The following CEP128 variants were observed in gnomAD, a reference collection of about 807,000 sequenced individuals.
CEP128 encodes centrosomal protein 128.
CEP128 carries 132 observed loss-of-function variants against 156.7 expected under a neutral mutation model. The ratio of observed to expected loss-of-function variants is 0.84; its 90% CI spans 0.73 to 0.97. The LOEUF (loss-of-function observed/expected upper bound fraction) is 0.97, where lower values mean the gene tolerates loss of function less well. CEP128 is among the 50% of genes least tolerant of loss of function. CEP128 has a pLI of 0.00. For missense variants in CEP128, 1,252 were observed against 1,281.9 expected, an observed-to-expected ratio of 0.98 and a Z score of 0.36; for synonymous variants, 469 against 448.9, an observed-to-expected ratio of 1.04 and a Z score of -0.57.
chr14:80,917,677 T>G (rs1225457582), intron 2 of CEP128, among the ~76,000 whole-genome samples: 2 of 152,192 alleles, frequency 1.3e-5, no homozygotes, highest in Non-Finnish European at 2.9e-5. Flanking sequence ...AAAACATTTC[T>G]TGAATGACAG....
At chr14:80,640,293 AAAAC>A (rs947528976) in intron 19 of CEP128, among the ~76,000 whole-genome samples, 23 of 152,184 alleles carry the variant, frequency 1.5e-4, no homozygotes, top group African/African-American at 4.6e-4. Flanking sequence ...CATTATTGCT[AAAAC>A]AAACAAACAA....
At chr14:80,765,564 T>C (rs942916990) in intron 16 of CEP128, among the ~76,000 whole-genome samples, 2 of 152,120 alleles carry the variant, frequency 1.3e-5, no homozygotes, top group African/African-American at 4.8e-5. Flanking sequence ...TGATTCAAAA[T>C]ATGGAAGACA....
chr14:80,594,508 A>C (rs1358968738), intron 19 of CEP128, among the ~76,000 whole-genome samples: 1 of 152,220 alleles, frequency 6.6e-6, no homozygotes, highest in African/African-American at 2.4e-5. Context: ...GCACAGCAAA[A>C]GGAACTATCA....
intron 8 of CEP128, among the ~76,000 whole-genome samples, chr14:80,874,702 CCACCTCCCGGGTT>C (rs1348147145): frequency 1.3e-5 from 2 of 152,152 alleles, no homozygotes; most frequent in Admixed American, 1.3e-4. Context: ...ACTGCAAGCT[CCACCTCCCGGGTT>C]CACGCCATTC....
Position 80,812,858 on chromosome 14 carries a change from C to T in CEP128, c.1209+18285G>A, listed in dbSNP as rs144071728. ...GATTACAAGCGTGAGCCACCGCGCC[C>T]GGCCTGTTTTTGTCTGTTTGTTTGT... On this transcript the variant is annotated intron_variant, in intron 13 of 24. Transcript: ENST00000555265. Among the ~76,000 whole-genome samples, 44 of 152,086 alleles carry T rather than the reference C, an allele frequency of 2.9e-4. 1 individual carries two copies. The East Asian group carries it at 4.8e-3, about 17-fold the overall frequency.
At chr14:80,653,704 T>C (rs1895010500) in intron 19 of CEP128, among the ~76,000 whole-genome samples, 1 of 152,112 alleles carries the variant, frequency 6.6e-6, no homozygotes, top group Non-Finnish European at 1.5e-5. Flanking sequence ...TTAAGAATTA[T>C]GCTAAATCTC....
At chr14:80,708,964 G>C (rs1039856441) in intron 19 of CEP128, among the ~76,000 whole-genome samples, 1 of 151,672 alleles carries the variant, frequency 6.6e-6, no homozygotes, top group African/African-American at 2.4e-5. Flanking sequence ...CAGTATTTGG[G>C]CCTATTTGGG....
chr14:80,668,070 T>G (rs1453784718), intron 19 of CEP128, among the ~76,000 whole-genome samples: 3 of 152,168 alleles, frequency 2.0e-5, no homozygotes, highest in African/African-American at 7.2e-5. Context: ...CCAACATTAT[T>G]CTAAGCATTT....
At chr14:80,921,365 G>C (rs545314438) in intron 2 of CEP128, among the ~76,000 whole-genome samples, 4 of 152,208 alleles carry the variant, frequency 2.6e-5, no homozygotes, top group African/African-American at 9.6e-5. Flanking sequence ...GACGAAATAA[G>C]TATGCTTGGC....
At position 80,557,637 on chromosome 14, in the gene CEP128, T is replaced by TA. The variant is rs1890491891; in HGVS notation, c.2880+1641dup. On this transcript the variant is annotated intron_variant, in intron 21 of 24. Transcript: ENST00000555265. The stretch of plus-strand genomic sequence containing the variant: ...AATGTCATCATACTGAAACTGAGAA[T>TA]AGTGTACTTTCTAAATGGCCCAGTG... Among the ~76,000 whole-genome samples, 5 of 152,284 alleles carry TA rather than the reference T, an allele frequency of 3.3e-5. 1 individual carries two copies. The South Asian group carries it at 1.0e-3, about 32-fold the overall frequency.
chr14:80,885,730 G>A (rs752787182), intron 8 of CEP128, among the ~76,000 whole-genome samples: 24 of 152,116 alleles, frequency 1.6e-4, no homozygotes, highest in Non-Finnish European at 3.2e-4. Context: ...TCCTCCAAAT[G>A]ATCGCAACTC....
chr14:80,604,280 T>C (rs1044576528), intron 19 of CEP128, among the ~76,000 whole-genome samples: 5 of 152,148 alleles, frequency 3.3e-5, no homozygotes, highest in Non-Finnish European at 5.9e-5. Context: ...TGATTGGTCA[T>C]GGTTTGCTGA....
intron 11 of CEP128, among the ~76,000 whole-genome samples, chr14:80,837,672 C>A (rs1345882811): frequency 1.3e-5 from 2 of 152,130 alleles, no homozygotes; most frequent in Non-Finnish European, 2.9e-5. Flanking sequence ...GCCAAGATTG[C>A]GCCACTGCAC....
chr14:80,930,566 T>C (rs544059827), intron 2 of CEP128, among the ~76,000 whole-genome samples: 19 of 152,282 alleles, frequency 1.2e-4, no homozygotes, highest in African/African-American at 4.3e-4. Context: ...CCAAGAGTCC[T>C]CCTTAAATTA....
chr14:80,593,804 T>A (rs186232477), intron 19 of CEP128, among the ~76,000 whole-genome samples: 1 of 152,078 alleles, frequency 6.6e-6, no homozygotes, highest in Admixed American at 6.5e-5. Flanking sequence ...TACAAACCAC[T>A]GCTCAAGGAA....
At chr14:80,950,845 AG>A (rs1886448597) in intron 2 of CEP128, among the ~76,000 whole-genome samples, 1 of 151,292 alleles carries the variant, frequency 6.6e-6, no homozygotes, top group Non-Finnish European at 1.5e-5. Flanking sequence ...AAGTACATCA[AG>A]GCACATTACA....
chr14:80,786,374 G>T (rs1901407117), intron 14 of CEP128, among the ~76,000 whole-genome samples: 1 of 152,160 alleles, frequency 6.6e-6, no homozygotes, highest in Non-Finnish European at 1.5e-5. Flanking sequence ...AACCAATTAA[G>T]ACTCATTTCA....
intron 19 of CEP128, among the ~76,000 whole-genome samples, chr14:80,680,167 C>G (rs990556469): frequency 4.6e-5 from 7 of 152,124 alleles, no homozygotes; most frequent in African/African-American, 1.4e-4. Flanking sequence ...CTGCAGCAGG[C>G]TTAGGGGTGG....
intron 14 of CEP128, among the ~76,000 whole-genome samples, chr14:80,484,758 T>G (rs189574519): frequency 1.8e-4 from 28 of 151,780 alleles, no homozygotes; most frequent in African/African-American, 6.1e-4. Flanking sequence ...TCCTTCTTTT[T>G]TTCCAGTTCA....
Sources: gnomAD v4.1 joint callset for allele counts (sites outside exome capture counted in the v4.1 genomes callset) on GRCh38, gnomAD v4.1.1 for gene constraint, MANE v1.5 for transcripts, NCBI Gene and HGNC (gene_info 2026-07-23, HGNC 2026-07-21) for gene names.